PLPPR5: variants seen among roughly 807,000 people sequenced by gnomAD.
PLPPR5 encodes phospholipid phosphatase related 5, also known as phospholipid phosphatase-related protein type 5.
PLPPR5 carries 16 observed loss-of-function variants against 33.9 expected under a neutral mutation model. The observed-to-expected ratio is 0.47, with a 90% CI of 0.32 to 0.72. PLPPR5 has a LOEUF of 0.72. PLPPR5 is among the 30% of genes least tolerant of loss of function. The probability of loss-of-function intolerance (pLI) is 0.03; values close to 1 mark genes in which losing one functional copy is unlikely to be tolerated. For missense variants in PLPPR5, 301 were observed against 406.7 expected (o/e 0.74, Z 2.23); for synonymous variants, 163 against 150.3 (o/e 1.08, Z -0.62).
At position 98,932,027 on chromosome 1, in the gene PLPPR5, G is replaced by T. The variant is rs529229604; in HGVS notation, c.622-9969C>A. 4.6e-5 allele frequency among the ~76,000 whole-genome samples: 7 copies of T among 152,290 alleles called. No individual in the cohort carries two copies. In the South Asian group the frequency reaches 1.2e-3, roughly 27 times the overall value. Reference sequence around the variant, plus strand: ...GCACCCATGAGTTTGAACTGGGTGAGGTCATGGGTGGAAGGTGAAAGTGCG... The same window carrying T: ...GCACCCATGAGTTTGAACTGGGTGATGTCATGGGTGGAAGGTGAAAGTGCG... On this transcript the variant is annotated intron_variant, in intron 3 of 5. Transcript: ENST00000263177.
rs763477562 is a variant in PLPPR5 at position 98,920,593 on chromosome 1, C to CAAAAAAAAAAAAAAAAAAAA, written c.798+1288_798+1289insTTTTTTTTTTTTTTTTTTTT. ...TGGGAATCACAGAGAGTGGTATCACCAAAAAAAAAAAAAAAAGCAGCACAG... is the reference window on the plus strand; with the variant it reads ...TGGGAATCACAGAGAGTGGTATCACCAAAAAAAAAAAAAAAAAAAAAAAAAAAAAAAAAAAAGCAGCACAG... On this transcript the variant is annotated intron_variant, in intron 4 of 5. Coordinates refer to ENST00000263177, the MANE Select transcript of PLPPR5 (RefSeq NM_001037317.2). Among the ~76,000 whole-genome samples the CAAAAAAAAAAAAAAAAAAAA allele has an allele frequency of 1.5e-3, 101 of 69,020 alleles. 17 individuals carry two copies. Among genetic ancestry groups the CAAAAAAAAAAAAAAAAAAAA allele is most frequent in the African/African-American group, 3.2e-3 (68 of 21,124 alleles). The allele number at this position is 69,020 out of a possible 152,430, so 45.3% of individuals were successfully genotyped here.
intron 3 of PLPPR5, among the ~76,000 whole-genome samples, chr1:98,933,196 A>G (rs1969516): frequency 1.4e-4 from 21 of 148,686 alleles, no homozygotes; most frequent in Non-Finnish European, 2.2e-4. Context: ...GGCTTTTTAA[A>G]AAAAAAAAAA....
At chr1:98,916,822 T>C (rs771190430) in intron 4 of PLPPR5, among the ~76,000 whole-genome samples, 15 of 152,240 alleles carry the variant, frequency 9.9e-5, no homozygotes, top group Non-Finnish European at 1.5e-4. Flanking sequence ...CAATATTTAA[T>C]AAGTCTTGTC....
chr1:98,913,544 C>G (rs567679911), intron 5 of PLPPR5, among the ~76,000 whole-genome samples: 1 of 152,284 alleles, frequency 6.6e-6, no homozygotes, highest in South Asian at 2.1e-4. Flanking sequence ...TGGATGTACC[C>G]TACTTTACAC....
chr1:98,994,196 G>C (rs1209659231), intron 1 of PLPPR5, among the ~76,000 whole-genome samples: 1 of 151,846 alleles, frequency 6.6e-6, no homozygotes, highest in Non-Finnish European at 1.5e-5. Context: ...GAGAGGGAGG[G>C]AGAAAGGAAA....
At chr1:98,994,364 T>C (rs2100763371) in intron 1 of PLPPR5, among the ~76,000 whole-genome samples, 1 of 152,180 alleles carries the variant, frequency 6.6e-6, no homozygotes, top group Non-Finnish European at 1.5e-5. Flanking sequence ...GATATTTCCA[T>C]GCCATGCCAA....
intron 2 of PLPPR5, among the ~76,000 whole-genome samples, chr1:98,955,468 A>C (rs1006844213): frequency 2.2e-4 from 33 of 152,122 alleles, no homozygotes; most frequent in African/African-American, 7.2e-4. Flanking sequence ...TTAGTCAAGA[A>C]CACAGTATTG....
chr1:98,974,241 G>T (rs991343518), intron 1 of PLPPR5, among the ~76,000 whole-genome samples: 6 of 151,946 alleles, frequency 3.9e-5, no homozygotes, highest in African/African-American at 1.2e-4. Context: ...TCAAGACAGG[G>T]GTCCTCGATC....
chr1:98,977,828 A>T (rs559869265), intron 1 of PLPPR5, among the ~76,000 whole-genome samples: 1 of 151,978 alleles, frequency 6.6e-6, no homozygotes, highest in East Asian at 1.9e-4. Context: ...TATAGTAAAT[A>T]CATATACTAT....
At chr1:98,973,436 C>T (rs139983178) in intron 1 of PLPPR5, among the ~76,000 whole-genome samples, 1 of 151,988 alleles carries the variant, frequency 6.6e-6, no homozygotes. Context: ...GATGTTTTCA[C>T]ATGGCACATG....
chr1:98,951,507 G>T (rs566033425), intron 3 of PLPPR5, among the ~76,000 whole-genome samples: 1 of 152,272 alleles, frequency 6.6e-6, no homozygotes, highest in African/African-American at 2.4e-5. Flanking sequence ...ATAAAGGAAA[G>T]AATCCTTGAC....
At chr1:98,994,546 C>A (rs7519339) in intron 1 of PLPPR5, among the ~76,000 whole-genome samples, 60 of 152,066 alleles carry the variant, frequency 3.9e-4, no homozygotes, top group African/African-American at 1.4e-3. Context: ...ACAAAGAAGA[C>A]CTCGTTCCTA....
intron 5 of PLPPR5, among the ~76,000 whole-genome samples, chr1:98,906,378 T>C (rs1648903206): frequency 6.6e-6 from 1 of 151,996 alleles, no homozygotes; most frequent in Non-Finnish European, 1.5e-5. Context: ...CTACATGTTG[T>C]TGGCCAGGTT....
chr1:98,992,440 T>C lies in PLPPR5; in HGVS notation c.237+11995A>G, dbSNP rs372287727. Among the ~76,000 whole-genome samples the C allele has an allele frequency of 9.2e-5, 14 of 152,330 alleles. 1 individual carries two copies. Among genetic ancestry groups the C allele is most frequent in the Non-Finnish European group, 1.5e-4 (10 of 68,024 alleles). On this transcript the variant is annotated intron_variant, in intron 1 of 5. Transcript: ENST00000263177. ...TAAGCAGTTGCCAAACTAATGACTA[T>C]GTCTCAGGTGCAATAGATATTCTAT... is the stretch of plus-strand genomic sequence containing the variant.
At chr1:98,994,723 G>C (rs1419344917) in intron 1 of PLPPR5, among the ~76,000 whole-genome samples, 1 of 152,094 alleles carries the variant, frequency 6.6e-6, no homozygotes, top group Non-Finnish European at 1.5e-5. Flanking sequence ...CCACTCCAAA[G>C]TCTTTTTGCT....
Position 98,953,170 on chromosome 1 carries a change from T to G in PLPPR5, c.521A>C (p.Glu174Ala). ...ATCTGGGTTGCCAGTACAGGCCTCT[T>G]CCCCACTGATGAATTGTGTATACTG... ...CQQYTQFISG[E>A]EACTGNPDLI... Residue 174 changes from glutamate to alanine, a missense_variant, in exon 3 of 6, where the codon GAA becomes GCA. Physicochemically the swap from Glu to Ala is moderately radical, Grantham distance 107. Coordinates refer to ENST00000263177, the MANE Select transcript of PLPPR5 (RefSeq NM_001037317.2). 6.2e-7 allele frequency: 1 copy of G among 1,614,098 alleles called. No homozygotes were observed. Among genetic ancestry groups the G allele is most frequent in the East Asian group, 2.2e-5 (1 of 44,860 alleles).
chr1:98,943,192 C>T (rs1186579502), intron 3 of PLPPR5, among the ~76,000 whole-genome samples: 1 of 152,032 alleles, frequency 6.6e-6, no homozygotes, highest in Non-Finnish European at 1.5e-5. Context: ...AGGGTGGGTG[C>T]CCCAGGGAAA....
At chr1:98,936,122 C>G (rs922363632) in intron 3 of PLPPR5, among the ~76,000 whole-genome samples, 2 of 152,106 alleles carry the variant, frequency 1.3e-5, no homozygotes, top group East Asian at 3.8e-4. Flanking sequence ...GTTTTCTCAT[C>G]TTTAATTTGA....
At chr1:98,920,979 A>C (rs375577125) in intron 4 of PLPPR5, among the ~76,000 whole-genome samples, 121 of 152,282 alleles carry the variant, frequency 7.9e-4, no homozygotes, top group African/African-American at 2.8e-3. Flanking sequence ...CATACTTATA[A>C]AATGTTATAC....
Sources: allele counts gnomAD v4.1 joint callset (sites outside exome capture counted in the v4.1 genomes callset), GRCh38; gene constraint gnomAD v4.1.1; transcripts MANE v1.5; gene names NCBI Gene and HGNC (gene_info 2026-07-23, HGNC 2026-07-21).